TULP4: variants seen among roughly 807,000 people sequenced by gnomAD.
The protein encoded by TULP4 is tubby-related protein 4.
A neutral mutation model predicts 129.0 loss-of-function variants in TULP4; 16 were observed. The observed-to-expected ratio is 0.12, with a 90% confidence interval of 0.08 to 0.19. TULP4 has a LOEUF of 0.19. Ranked by LOEUF, TULP4 falls within the 10% of genes least tolerant of loss-of-function variation. The pLI is 1.00. For missense variants in TULP4, 1,842 were observed against 2,059.1 expected, an observed-to-expected ratio of 0.89 and a Z score of 2.04; for synonymous variants, 998 against 854.0, an observed-to-expected ratio of 1.17 and a Z score of -2.94.
chr6:158,236,787 A>ATTTTTTTTTT (rs1777710319), intron 1 of TULP4, among the ~76,000 whole-genome samples: 1 of 72,222 alleles, frequency 1.4e-5, no homozygotes, highest in Admixed American at 1.9e-4. Context: ...TAAATGCCCA[A>ATTTTTTTTTT]TTCTTTTCTT....
chr6:158,295,155 A>C (rs923566446), intron 1 of TULP4, among the ~76,000 whole-genome samples: 2 of 152,052 alleles, frequency 1.3e-5, no homozygotes, highest in African/African-American at 4.8e-5. Flanking sequence ...TTTTTTTCCA[A>C]ATCTACTTTT....
intron 1 of TULP4, among the ~76,000 whole-genome samples, chr6:158,349,105 G>A (rs1448799130): frequency 5.6e-5 from 8 of 142,848 alleles, no homozygotes; most frequent in Admixed American, 6.8e-5. Flanking sequence ...TGGGGCAGCC[G>A]GGCAGAGGCG....
intron 3 of TULP4, among the ~76,000 whole-genome samples, chr6:158,440,528 C>G (rs1242022844): frequency 6.6e-6 from 1 of 152,128 alleles, no homozygotes; most frequent in Non-Finnish European, 1.5e-5. Context: ...GATCCTTTTT[C>G]TTCTTTCCCA....
rs1326775785 is a variant in TULP4 at position 158,461,550 on chromosome 6, T to G, written c.860-13T>G. ...GCTGTGTCCTTGTGCTGACCCTCTCTCCTCTGTTTCAGAGGTGGTAGCCCA... is the reference window on the plus strand; with the variant it reads ...GCTGTGTCCTTGTGCTGACCCTCTCGCCTCTGTTTCAGAGGTGGTAGCCCA... On this transcript the variant is annotated splice_polypyrimidine_tract_variant and intron_variant, in intron 5 of 13. Coordinates refer to ENST00000367097, the MANE Select transcript of TULP4 (RefSeq NM_020245.5). 2 of 1,611,248 alleles carry G rather than the reference T, an allele frequency of 1.2e-6. No homozygotes were observed. Among genetic ancestry groups the G allele is most frequent in the Admixed American group, 3.3e-5 (2 of 59,900 alleles).
chr6:158,244,113 T>A (rs1169447537), intron 1 of TULP4, among the ~76,000 whole-genome samples: 1 of 152,202 alleles, frequency 6.6e-6, no homozygotes, highest in Non-Finnish European at 1.5e-5. Context: ...GCAGTTACTG[T>A]CCTTTCGATG....
chr6:158,405,400 G>T (rs1161720229), intron 1 of TULP4, among the ~76,000 whole-genome samples: 2 of 151,822 alleles, frequency 1.3e-5, no homozygotes, highest in Non-Finnish European at 1.5e-5. Flanking sequence ...GTGTGTAGAG[G>T]CTGCGAAGGC....
intron 1 of TULP4, among the ~76,000 whole-genome samples, chr6:158,254,526 C>T (rs922239771): frequency 2.0e-5 from 3 of 152,148 alleles, no homozygotes; most frequent in African/African-American, 7.2e-5. Flanking sequence ...GGCCTTTTCT[C>T]CAAGGAGTTT....
At chr6:158,429,481 T>C (rs1247788994) in intron 2 of TULP4, among the ~76,000 whole-genome samples, 1 of 152,202 alleles carries the variant, frequency 6.6e-6, no homozygotes, top group African/African-American at 2.4e-5. Context: ...TATCTCGTTA[T>C]TTTGTCTAGG....
chr6:158,351,707 CTTT>C (rs1160814801), intron 1 of TULP4, among the ~76,000 whole-genome samples: 19 of 50,512 alleles, frequency 3.8e-4, no homozygotes, highest in Admixed American at 3.5e-4. Flanking sequence ...TGTTGTTAAA[CTTT>C]TTTTTTTTTT....
rs1169604597 is a variant in TULP4, at chr6:158,314,072, G to C, written c.56G>C (p.Cys19Ser). The change falls in exon 1 of 14, where the codon TGC (cysteine) becomes TCC (serine). Residue 19 changes from cysteine to serine, a missense_variant. By Grantham distance (112) the Cys-to-Ser change is moderately radical. Around this residue, in one of 5 missense-constraint regions of TULP4, gnomAD observed 151 missense variants for 268.7 expected, o/e 0.56. Transcript: ENST00000367097. ...PVLCSDSNIL[C>S]LSWKGRVPKS... The stretch of plus-strand genomic sequence containing the variant: ...CTTTGCAGCGATTCCAACATCCTGT[G>C]CCTGTCCTGGAAGGGGCGTGTCCCC... 6.2e-7 allele frequency: 1 copy of C among 1,614,194 alleles called. No individual in the cohort carries two copies. Among genetic ancestry groups the C allele is most frequent in the South Asian group, 1.1e-5 (1 of 91,078 alleles).
chr6:158,272,683 G>A (rs1037440740), intron 1 of TULP4, among the ~76,000 whole-genome samples: 2 of 152,206 alleles, frequency 1.3e-5, no homozygotes, highest in Non-Finnish European at 1.5e-5. Context: ...AATGCAGGAA[G>A]TAGTCATTGA....
At chr6:158,328,765 T>C (rs1010793884) in intron 1 of TULP4, among the ~76,000 whole-genome samples, 15 of 37,592 alleles carry the variant, frequency 4.0e-4, no homozygotes, top group Non-Finnish European at 8.4e-4. Context: ...TGTAAGGCAT[T>C]CTAGACTCAT....
intron 1 of TULP4, among the ~76,000 whole-genome samples, chr6:158,370,457 CA>C (rs533005080): frequency 0.035 from 1,007 of 28,822 alleles, 3 homozygotes; most frequent in Non-Finnish European, 0.048. Context: ...AACTCCATCT[CA>C]AAAAAAAAAA....
chr6:158,370,837 C>G (rs889540238), intron 1 of TULP4, among the ~76,000 whole-genome samples: 7 of 152,192 alleles, frequency 4.6e-5, no homozygotes, highest in African/African-American at 1.2e-4. Context: ...GATAGTAGCT[C>G]TGACATTAGG....
At chr6:158,316,429 A>C (rs1779494682) in intron 1 of TULP4, among the ~76,000 whole-genome samples, 1 of 152,160 alleles carries the variant, frequency 6.6e-6, no homozygotes, top group Non-Finnish European at 1.5e-5. Flanking sequence ...TCATTTTTCC[A>C]CTGAGTTTAA....
At chr6:158,242,532 A>C (rs1172195917) in intron 1 of TULP4, 1 of 752,904 alleles carries the variant, frequency 1.3e-6, no homozygotes. Flanking sequence ...TACTGTCTTC[A>C]AGACATTCTC....
intron 1 of TULP4, among the ~76,000 whole-genome samples, chr6:158,384,148 C>T (rs369988018): frequency 1.3e-5 from 2 of 152,046 alleles, no homozygotes; most frequent in Non-Finnish European, 2.9e-5. Context: ...TATAGCATCT[C>T]GAATATTCCA....
Position 158,466,740 on chromosome 6 carries a change from A to G in TULP4, c.1026+5011A>G, listed in dbSNP as rs376590209. Among the ~76,000 whole-genome samples, 29 of 152,332 alleles carry G rather than the reference A, an allele frequency of 1.9e-4. 2 individuals carry two copies. Among genetic ancestry groups the G allele is most frequent in the African/African-American group, 6.7e-4 (28 of 41,568 alleles). On this transcript the variant is annotated intron_variant, in intron 6 of 13. Coordinates refer to ENST00000367097, the MANE Select transcript of TULP4 (RefSeq NM_020245.5). ...AAGGAAGACATGATCCATATCTCCT[A>G]GGAGCTCACAGCTAGTTAAGGAAGA...
At chr6:158,456,679 C>G (rs1779298667) in intron 5 of TULP4, among the ~76,000 whole-genome samples, 1 of 151,980 alleles carries the variant, frequency 6.6e-6, no homozygotes, top group South Asian at 2.1e-4. Context: ...TAAAAAACAA[C>G]AAAAATTAGC....
Sources: allele counts gnomAD v4.1 joint callset (sites outside exome capture counted in the v4.1 genomes callset), GRCh38; gene constraint gnomAD v4.1.1; regional missense constraint gnomAD v4.1.1; transcripts MANE v1.5; gene names NCBI Gene and HGNC (gene_info 2026-07-23, HGNC 2026-07-21).